PCDHA10: variants seen among roughly 807,000 people sequenced by gnomAD.
PCDHA10 encodes the protein protocadherin alpha 10.
In PCDHA10, 45 loss-of-function variants were observed where a neutral mutation model predicts 61.2. The observed-to-expected ratio is 0.74, with a 90% CI of 0.58 to 0.94. The LOEUF is 0.94. PCDHA10 is among the 40% of genes least tolerant of loss of function. PCDHA10 has a pLI of 0.00. For missense variants in PCDHA10, 1,278 were observed against 1,236.2 expected, an observed-to-expected ratio of 1.03 and a Z score of -0.51; for synonymous variants, 602 against 548.8, an observed-to-expected ratio of 1.10 and a Z score of -1.35.
At chr5:140,982,253 A>G (rs1209317234) in intron 2 of PCDHA10, 16 of 777,640 alleles carry the variant, frequency 2.1e-5, no homozygotes, top group Admixed American at 3.3e-5. Context: ...AAGATAGAAC[A>G]TGTGTGTTCC....
intron 1 of PCDHA10, chr5:140,869,209 T>C (rs782345986): frequency 1.2e-6 from 2 of 1,613,950 alleles, no homozygotes; most frequent in South Asian, 2.2e-5. Flanking sequence ...CTACTCCGTC[T>C]CGGAGGAGGC....
intron 1 of PCDHA10, chr5:140,967,981 G>A (rs1192553799): frequency 4.3e-6 from 7 of 1,614,084 alleles, no homozygotes; most frequent in African/African-American, 1.3e-5. Flanking sequence ...TGGGTCTGGA[G>A]GCCACACTGC....
chr5:140,871,644 C>A, intron 1 of PCDHA10: 2 of 1,286,330 alleles, frequency 1.6e-6, no homozygotes, highest in Non-Finnish European at 2.1e-6. Flanking sequence ...CATAAAATAC[C>A]AAATGATACA....
At chr5:140,990,395 G>A (rs916362624) in intron 3 of PCDHA10, among the ~76,000 whole-genome samples, 1 of 152,116 alleles carries the variant, frequency 6.6e-6, no homozygotes, top group Non-Finnish European at 1.5e-5. Flanking sequence ...GTTCCAAGAA[G>A]GTTCACCAGC....
At position 140,927,544 on chromosome 5, in the gene PCDHA10, C is replaced by G. The variant is rs1442526060; in HGVS notation, c.2389-51405C>G. 2.5e-6 allele frequency: 4 copies of G among 1,614,034 alleles called. No homozygotes were observed. The East Asian group carries it at 6.7e-5, about 27-fold the overall frequency. ...GCTACCTGCCCGCTCAGGAGACGCA[C>G]AAGTCACCATCATTGTGGTGGACAC... On this transcript the variant is annotated intron_variant, in intron 1 of 3. Transcript: ENST00000307360.
chr5:140,898,628 C>T (rs1305030651), intron 1 of PCDHA10, among the ~76,000 whole-genome samples: 2 of 152,176 alleles, frequency 1.3e-5, no homozygotes, highest in African/African-American at 4.8e-5. Context: ...TAGCATAATG[C>T]CTCCAGCTTT....
At chr5:140,871,228 CTCCTGG>C in intron 1 of PCDHA10, 1 of 1,613,938 alleles carries the variant, frequency 6.2e-7, no homozygotes, top group Non-Finnish European at 8.5e-7. Context: ...GGTGTCCAGC[CTCCTGG>C]TACTCACGCT....
intron 1 of PCDHA10, among the ~76,000 whole-genome samples, chr5:140,943,004 C>T (rs1248261862): frequency 6.6e-6 from 1 of 151,842 alleles, no homozygotes; most frequent in East Asian, 1.9e-4. Context: ...TGCCTGTAAT[C>T]CCAGCACTTT....
intron 1 of PCDHA10, among the ~76,000 whole-genome samples, chr5:140,889,588 GA>G (rs2062289236): frequency 6.6e-6 from 1 of 151,768 alleles, no homozygotes; most frequent in East Asian, 1.9e-4. Context: ...TTTTTGCTTT[GA>G]AATATTTTTA....
chr5:140,997,384 A>T (rs2097769179), intron 3 of PCDHA10, among the ~76,000 whole-genome samples: 1 of 152,198 alleles, frequency 6.6e-6, no homozygotes, highest in South Asian at 2.1e-4. Context: ...AGCATACTAC[A>T]CACTTAGGCT....
chr5:140,906,999 G>T lies in PCDHA10; in HGVS notation c.2388+48563G>T, dbSNP rs187849442. Among the ~76,000 whole-genome samples the T allele has an allele frequency of 8.0e-3, 1,219 of 152,202 alleles. 6 individuals are homozygous for T. The highest frequency in any genetic ancestry group is 0.019 in the African/African-American group (787 of 41,528). On this transcript the variant is annotated intron_variant, in intron 1 of 3. Coordinates refer to ENST00000307360, the MANE Select transcript of PCDHA10 (RefSeq NM_018901.4). Reference sequence around the variant, plus strand: ...TTCTGGTGGCAGCATTCCTCCCTCTGGAACTAAGACCTCTAGGCCAGCAGA... The same window carrying T: ...TTCTGGTGGCAGCATTCCTCCCTCTTGAACTAAGACCTCTAGGCCAGCAGA...
intron 1 of PCDHA10, chr5:140,861,770 C>T (rs2047074115): frequency 6.2e-6 from 1 of 161,486 alleles, no homozygotes; most frequent in African/African-American, 2.4e-5. Flanking sequence ...CCTGGAAATA[C>T]CAAGAGCAGG....
At chr5:140,941,618 C>A (rs532721732) in intron 1 of PCDHA10, among the ~76,000 whole-genome samples, 1 of 151,904 alleles carries the variant, frequency 6.6e-6, no homozygotes, top group African/African-American at 2.4e-5. Context: ...CCCAGCCCAT[C>A]CTGCTTCTTA....
chr5:140,943,742 T>C (rs1326111617), intron 1 of PCDHA10, among the ~76,000 whole-genome samples: 2 of 152,200 alleles, frequency 1.3e-5, no homozygotes, highest in Non-Finnish European at 2.9e-5. Context: ...GTCCACAGTC[T>C]AAAAGCAGTA....
At chr5:140,880,514 T>A (rs2058367516) in intron 1 of PCDHA10, among the ~76,000 whole-genome samples, 1 of 152,198 alleles carries the variant, frequency 6.6e-6, no homozygotes, top group African/African-American at 2.4e-5. Context: ...TTTGGTCACA[T>A]CTCTCAATGT....
Position 140,857,399 on chromosome 5 carries a change from G to T in PCDHA10, c.1351G>T (p.Ala451Ser), listed in dbSNP as rs375062704. 1 of 1,598,510 alleles carries T rather than the reference G, an allele frequency of 6.3e-7. No homozygotes were observed. The highest frequency in any genetic ancestry group is 8.6e-7 in the Non-Finnish European group (1 of 1,167,920). Reference sequence around the variant, plus strand: ...GGAGGTGGCCGACGTGAACGACAACGCGCCTGCGTTCGCGCAGTCCGAGTA... The same window carrying T: ...GGAGGTGGCCGACGTGAACGACAACTCGCCTGCGTTCGCGCAGTCCGAGTA... ...SVEVADVNDN[A>S]PAFAQSEYTV... Residue 451 changes from alanine to serine, a missense_variant, in exon 1 of 4, where the codon GCG becomes TCG. Ala to Ser is a moderately conservative substitution (Grantham distance 99). Coordinates refer to ENST00000307360, the MANE Select transcript of PCDHA10 (RefSeq NM_018901.4).
At chr5:140,899,654 GTC>G (rs1197760857) in intron 1 of PCDHA10, among the ~76,000 whole-genome samples, 4 of 152,276 alleles carry the variant, frequency 2.6e-5, no homozygotes, top group African/African-American at 9.6e-5. Context: ...ATTTGGTTGT[GTC>G]TCTGCCCGGC....
At chr5:140,919,926 T>C (rs1040693581) in intron 1 of PCDHA10, among the ~76,000 whole-genome samples, 18 of 152,088 alleles carry the variant, frequency 1.2e-4, no homozygotes, top group African/African-American at 4.1e-4. Flanking sequence ...AATTTTCAGG[T>C]GGGGGCTAAT....
At chr5:140,920,548 C>T (rs1222470517) in intron 1 of PCDHA10, among the ~76,000 whole-genome samples, 5 of 152,186 alleles carry the variant, frequency 3.3e-5, no homozygotes, top group Admixed American at 6.5e-5. Context: ...ATTTCACCTT[C>T]GAAGTGTGGC....
Sources: gnomAD v4.1 joint callset for allele counts (sites outside exome capture counted in the v4.1 genomes callset) on GRCh38, gnomAD v4.1.1 for gene constraint, MANE v1.5 for transcripts, NCBI Gene and HGNC (gene_info 2026-07-23, HGNC 2026-07-21) for gene names.